The following ABCB1 variants were observed in gnomAD, a reference collection of about 807,000 sequenced individuals.
ABCB1 encodes ATP-dependent translocase ABCB1.
ABCB1 carries 69 observed loss-of-function variants against 142.0 expected under a neutral mutation model. That is an observed-to-expected ratio of 0.49 (90% CI 0.40 to 0.59). The LOEUF is 0.59. Among genes scored for constraint, ABCB1 ranks in the 20% least tolerant of loss-of-function variants. The probability of loss-of-function intolerance (pLI) is 0.00; values close to 1 mark genes in which losing one functional copy is unlikely to be tolerated. For missense variants in ABCB1, 1,326 were observed against 1,554.7 expected (o/e 0.85, Z 2.47); for synonymous variants, 532 against 539.2 (o/e 0.99, Z 0.18).
intron 9 of ABCB1, among the ~76,000 whole-genome samples, chr7:87,552,786 G>C (rs1016614810): frequency 6.6e-6 from 1 of 151,446 alleles, no homozygotes; most frequent in African/African-American, 2.4e-5. Context: ...TTGTTTTAAG[G>C]GATTCTACAA....
chr7:87,590,593 G>T (rs1403016476), intron 3 of ABCB1, among the ~76,000 whole-genome samples: 8 of 152,186 alleles, frequency 5.3e-5, no homozygotes, highest in Non-Finnish European at 1.2e-4. Context: ...TGCATTCCAG[G>T]CAGGAAGAGC....
intron 16 of ABCB1, 62 bp from the exon 17 acceptor site, chr7:87,544,337 TACGCACAAAAATTAGTAA>T: frequency 6.5e-7 from 1 of 1,527,618 alleles, no homozygotes; most frequent in Non-Finnish European, 9.0e-7. Flanking sequence ...AATTCTTACA[TACGCACAAAAATTAGTAA>T]AGGAATATAT....
chr7:87,565,493 G>T (rs748218096), intron 7 of ABCB1: 4 of 454,680 alleles, frequency 8.8e-6, no homozygotes, highest in South Asian at 6.2e-5. Context: ...TGAAGGCCAA[G>T]GATTTATATG....
At chr7:87,679,791 C>T (rs1826744375) in intron 1 of ABCB1, among the ~76,000 whole-genome samples, 1 of 150,126 alleles carries the variant, frequency 6.7e-6, no homozygotes, top group South Asian at 2.1e-4. Context: ...TTATTCTGAG[C>T]CATAAAAGAA....
chr7:87,614,813 G>C (rs1444963709), intron 1 of ABCB1, among the ~76,000 whole-genome samples: 1 of 151,546 alleles, frequency 6.6e-6, no homozygotes, highest in African/African-American at 2.4e-5. Flanking sequence ...CTTTTTGTTT[G>C]TTTGTTTGTT....
upstream of ABCB1, among the ~76,000 whole-genome samples, chr7:87,603,300 A>G (rs1819530525): frequency 6.6e-6 from 1 of 152,234 alleles, no homozygotes; most frequent in African/African-American, 2.4e-5. Flanking sequence ...CCATATTACA[A>G]TAAAAGACAC....
intron 1 of ABCB1, among the ~76,000 whole-genome samples, chr7:87,687,301 C>A (rs185572237): frequency 1.3e-5 from 2 of 152,164 alleles, no homozygotes; most frequent in African/African-American, 4.8e-5. Flanking sequence ...GTGTAAGGAG[C>A]ACACTTCTTC....
At chr7:87,646,635 A>G (rs1823030260) in intron 1 of ABCB1, among the ~76,000 whole-genome samples, 2 of 152,048 alleles carry the variant, frequency 1.3e-5, no homozygotes, top group Admixed American at 1.3e-4. Flanking sequence ...TCAAAGGTGG[A>G]GGTGGAGGTG....
In ABCB1 at chr7:87,544,793, T is replaced by A. The variant is rs756910860; in HGVS notation, c.2064+30A>T. The A allele has an allele frequency of 3.1e-6, 5 of 1,612,762 alleles. No individual in the cohort carries two copies. The African/African-American group carries it at 6.7e-5, about 22-fold the overall frequency. ...AACTAGGGAACCACAGTTAGTGAGA[T>A]TAAAACAAACTCCGCATCTCCCTTC... On this transcript the variant is annotated intron_variant, in intron 16 of 27. Transcript: ENST00000622132.
intron 8 of ABCB1, among the ~76,000 whole-genome samples, chr7:87,558,026 C>T (rs75014427): frequency 1.5e-3 from 235 of 152,262 alleles, no homozygotes; most frequent in African/African-American, 5.5e-3. Context: ...TCAGTCTTGG[C>T]ACCAACCAGG....
intron 21 of ABCB1, among the ~76,000 whole-genome samples, chr7:87,529,614 AT>A (rs1449631504): frequency 2.0e-5 from 3 of 152,268 alleles, no homozygotes; most frequent in African/African-American, 7.2e-5. Flanking sequence ...TGTGGTTTGC[AT>A]GAATTAGCTT....
At chr7:87,622,237 G>T (rs1166651972) in intron 1 of ABCB1, among the ~76,000 whole-genome samples, 2 of 152,082 alleles carry the variant, frequency 1.3e-5, no homozygotes, top group African/African-American at 4.8e-5. Context: ...ATATGATCAT[G>T]AGCCACTATA....
At chr7:87,704,178 C>G (rs944429797) in intron 1 of ABCB1, among the ~76,000 whole-genome samples, 1 of 151,924 alleles carries the variant, frequency 6.6e-6, no homozygotes, top group Non-Finnish European at 1.5e-5. Flanking sequence ...GCCTCAGCCT[C>G]GCAAAGTGCT....
intron 20 of ABCB1, among the ~76,000 whole-genome samples, chr7:87,535,936 G>T (rs1282142533): frequency 6.6e-6 from 1 of 152,112 alleles, no homozygotes; most frequent in East Asian, 1.9e-4. Context: ...TATATCAAGA[G>T]ATTCATACAG....
chr7:87,576,861 G>A (rs1387160493), intron 4 of ABCB1, among the ~76,000 whole-genome samples: 1 of 151,906 alleles, frequency 6.6e-6, no homozygotes, highest in Non-Finnish European at 1.5e-5. Flanking sequence ...TCACATTAGG[G>A]TGAATGGGGT....
At chr7:87,553,685 C>G in intron 9 of ABCB1, 76 bp downstream of exon 9, 1 of 1,474,592 alleles carries the variant, frequency 6.8e-7, no homozygotes. Context: ...ATATATTCTT[C>G]TAAAGTCAAG....
At chr7:87,539,131 A>C in intron 19 of ABCB1, 137 bp downstream of exon 19, 1 of 927,456 alleles carries the variant, frequency 1.1e-6, no homozygotes, top group Non-Finnish European at 1.7e-6. Flanking sequence ...GTTCAACCGC[A>C]TCTCTGACGT....
At chr7:87,533,637 A>G (rs1024435043) in intron 20 of ABCB1, among the ~76,000 whole-genome samples, 10 of 152,192 alleles carry the variant, frequency 6.6e-5, no homozygotes, top group African/African-American at 2.4e-4. Context: ...GTAGGAGTCT[A>G]TAGAAATATG....
At chr7:87,671,717 A>G (rs1825840751) in intron 1 of ABCB1, among the ~76,000 whole-genome samples, 1 of 152,010 alleles carries the variant, frequency 6.6e-6, no homozygotes, top group African/African-American at 2.4e-5. Context: ...CCACTTAAAA[A>G]CGCAGTCTTA....
Sources: gnomAD v4.1 joint callset for allele counts (sites outside exome capture counted in the v4.1 genomes callset) on GRCh38, gnomAD v4.1.1 for gene constraint, MANE v1.5 for transcripts, NCBI Gene and HGNC (gene_info 2026-07-23, HGNC 2026-07-21) for gene names.